Variants in CDH17 observed in about 807,000 individuals in gnomAD.
The protein encoded by CDH17 is cadherin-17.
In CDH17, 67 loss-of-function variants were observed where a neutral mutation model predicts 86.3. The ratio of observed to expected loss-of-function variants is 0.78; its 90% CI spans 0.64 to 0.95. CDH17 has a LOEUF of 0.95. Ranked by LOEUF, CDH17 falls within the 40% of genes least tolerant of loss-of-function variation. CDH17 has a pLI of 0.00. For missense variants in CDH17, 993 were observed against 1,017.6 expected, an observed-to-expected ratio of 0.98 and a Z score of 0.33; for synonymous variants, 367 against 366.4, an observed-to-expected ratio of 1.00 and a Z score of -0.02.
chr8:94,165,868 C>A lies in CDH17; in HGVS notation c.1175G>T (p.Gly392Val), dbSNP rs149347157. 1.1e-5 allele frequency: 18 copies of A among 1,613,442 alleles called. No homozygotes were observed. In the African/African-American group the frequency reaches 1.5e-4, roughly 13 times the overall value. The change falls in exon 10 of 18, where the codon GGA (glycine) becomes GTA (valine). Residue 392 changes from glycine to valine, a missense_variant. Coordinates refer to ENST00000027335, the MANE Select transcript of CDH17 (RefSeq NM_004063.4). ...AGCATAGGTTTGGATTAGGAAGAGT[C>A]CATCCATGGGAAGTTTGGGAGTTTG... ...VEQTPKLPMD[G>V]LFLIQTYAGM...
chr8:94,187,262 T>C (rs780473538), intron 3 of CDH17, among the ~76,000 whole-genome samples: 8 of 152,194 alleles, frequency 5.3e-5, no homozygotes, highest in Non-Finnish European at 1.2e-4. Flanking sequence ...CAAATAAAAA[T>C]CAGTCACTCT....
intron 3 of CDH17, 133 bp from the exon 4 acceptor site, chr8:94,177,854 T>C: frequency 1.3e-6 from 1 of 793,704 alleles, no homozygotes; most frequent in South Asian, 1.8e-5. Flanking sequence ...ACTTTTAAAG[T>C]GGTACCTTCT....
At position 94,198,455 on chromosome 8, in the gene CDH17, G is replaced by A. The variant is rs114630991; in HGVS notation, c.-20-3750C>T. ...CAAGATGATATTATCAATTATAAAT[G>A]AATAAATTAAGTCTAACAAACTAGT... On this transcript the variant is annotated intron_variant, in intron 1 of 17. Coordinates refer to ENST00000027335, the MANE Select transcript of CDH17 (RefSeq NM_004063.4). Among the ~76,000 whole-genome samples, 603 of 152,208 alleles carry A rather than the reference G, an allele frequency of 4.0e-3. 1 individual carries two copies. The highest frequency in any genetic ancestry group is 0.014 in the African/African-American group (583 of 41,530).
intron 1 of CDH17, among the ~76,000 whole-genome samples, chr8:94,200,094 C>A (rs1383026093): frequency 6.6e-6 from 1 of 152,136 alleles, no homozygotes; most frequent in African/African-American, 2.4e-5. Flanking sequence ...CAAGGCAAAG[C>A]CTTTACCCGA....
intron 15 of CDH17, among the ~76,000 whole-genome samples, chr8:94,132,929 T>A (rs1484127823): frequency 6.6e-6 from 1 of 152,210 alleles, no homozygotes; most frequent in African/African-American, 2.4e-5. Context: ...AGGGAATCCT[T>A]TCCCCATTGC....
intron 1 of CDH17, among the ~76,000 whole-genome samples, chr8:94,200,808 A>C (rs1295947852): frequency 6.6e-6 from 1 of 151,974 alleles, no homozygotes; most frequent in African/African-American, 2.4e-5. Flanking sequence ...GATAACGACA[A>C]AGGCAGCAAA....
intron 12 of CDH17, among the ~76,000 whole-genome samples, chr8:94,153,447 T>C (rs1812892304): frequency 6.6e-6 from 1 of 152,118 alleles, no homozygotes; most frequent in Non-Finnish European, 1.5e-5. Flanking sequence ...TGGAAAACAG[T>C]ATGGAGGAAA....
intron 15 of CDH17, among the ~76,000 whole-genome samples, chr8:94,139,597 A>T (rs913960172): frequency 6.6e-6 from 1 of 152,236 alleles, no homozygotes; most frequent in Non-Finnish European, 1.5e-5. Flanking sequence ...CATTCAATGG[A>T]ACAAGGAAGA....
At chr8:94,177,343 A>G (rs1206836571) in intron 4 of CDH17, among the ~76,000 whole-genome samples, 1 of 152,210 alleles carries the variant, frequency 6.6e-6, no homozygotes, top group Non-Finnish European at 1.5e-5. Context: ...AAGTAATGCC[A>G]TCAGAGGGTC....
chr8:94,175,981 T>C (rs1207848122), intron 5 of CDH17, among the ~76,000 whole-genome samples: 1 of 152,154 alleles, frequency 6.6e-6, no homozygotes, highest in Non-Finnish European at 1.5e-5. Flanking sequence ...CTCAATCTCC[T>C]GGGACCAAGT....
chr8:94,159,903 T>G, intron 12 of CDH17, 68 bp downstream of exon 12: 1 of 1,286,316 alleles, frequency 7.8e-7, no homozygotes, highest in Non-Finnish European at 1.1e-6. Context: ...CTTATAGGTC[T>G]TCACACTGTC....
chr8:94,160,216 A>G (rs759620990), intron 11 of CDH17, 54 bp from the exon 12 acceptor site: 5 of 1,374,528 alleles, frequency 3.6e-6, no homozygotes, highest in South Asian at 2.7e-5. Context: ...CATCAAAGCC[A>G]AAGGACAAAC....
At position 94,176,654 on chromosome 8, in the gene CDH17, A is replaced by G. The variant is rs553916867; in HGVS notation, c.311T>C (p.Ile104Thr). ...LQVAALDANG[I>T]IVEGPVPITI... ...GATAGGGACTGGACCCTCCACTATA[A>G]TTCCATTAGCGTCCAGGGCTGCAAC... Residue 104 changes from isoleucine to threonine, a missense_variant, in exon 5 of 18, where the codon ATT becomes ACT. Physicochemically the swap from Ile to Thr is moderately conservative, Grantham distance 89 (BLOSUM62 -1). Transcript: ENST00000027335. 6.2e-6 allele frequency: 10 copies of G among 1,613,480 alleles called. 1 individual carries two copies. In the South Asian group the frequency reaches 9.9e-5, roughly 16 times the overall value.
chr8:94,136,900 G>A (rs1221906386), intron 15 of CDH17, among the ~76,000 whole-genome samples: 2 of 152,174 alleles, frequency 1.3e-5, no homozygotes, highest in African/African-American at 4.8e-5. Flanking sequence ...GTCTGTTGGA[G>A]TTTGCTGGAG....
At chr8:94,155,516 CA>C (rs1262595757) in intron 12 of CDH17, among the ~76,000 whole-genome samples, 11 of 152,136 alleles carry the variant, frequency 7.2e-5, no homozygotes, top group Non-Finnish European at 1.5e-4. Flanking sequence ...CACCACCAAG[CA>C]GGTCCTAAGC....
At chr8:94,211,418 T>A (rs919931681), upstream of CDH17, among the ~76,000 whole-genome samples, 1 of 152,138 alleles carries the variant, frequency 6.6e-6, no homozygotes, top group African/African-American at 2.4e-5. Flanking sequence ...TTCAAGTGAT[T>A]CTCCTGCCTC....
At chr8:94,195,760 ATTTT>A (rs5893269) in intron 1 of CDH17, among the ~76,000 whole-genome samples, 6 of 144,828 alleles carry the variant, frequency 4.1e-5, no homozygotes, top group South Asian at 2.2e-4. Context: ...AGTCAAGGAA[ATTTT>A]TTTTTTTTTT....
chr8:94,137,087 A>G (rs1638404041), intron 15 of CDH17, among the ~76,000 whole-genome samples: 1 of 152,196 alleles, frequency 6.6e-6, no homozygotes, highest in African/African-American at 2.4e-5. Flanking sequence ...CAATTAGGCT[A>G]CATGGGGGTT....
In CDH17 at chr8:94,203,759, A is replaced by G. The variant is rs549829164; in HGVS notation, c.-21+4724T>C. On this transcript the variant is annotated intron_variant, in intron 1 of 17. Coordinates refer to ENST00000027335, the MANE Select transcript of CDH17 (RefSeq NM_004063.4). ...ATCTGGGCTTCTGCCTCACACTTCAAACAGATTACTCCACATGGGGAGGGA... is the reference window on the plus strand; with the variant it reads ...ATCTGGGCTTCTGCCTCACACTTCAGACAGATTACTCCACATGGGGAGGGA... Among the ~76,000 whole-genome samples the G allele has an allele frequency of 5.0e-4, 76 of 152,288 alleles. 2 individuals carry two copies. The highest frequency in any genetic ancestry group is 4.7e-3 in the Admixed American group (72 of 15,304).
Sources: allele counts gnomAD v4.1 joint callset (sites outside exome capture counted in the v4.1 genomes callset), GRCh38; gene constraint gnomAD v4.1.1; transcripts MANE v1.5; gene names NCBI Gene and HGNC (gene_info 2026-07-23, HGNC 2026-07-21).